The following HMGCLL1 variants were observed in gnomAD, a reference collection of about 807,000 sequenced individuals.
HMGCLL1 encodes 3-hydroxymethyl-3-methylglutaryl-CoA lyase, cytoplasmic.
In HMGCLL1, 36 loss-of-function variants were observed where a neutral mutation model predicts 39.1. The ratio of observed to expected loss-of-function variants is 0.92; its 90% CI spans 0.71 to 1.22. The LOEUF is 1.22. Among genes scored for constraint, HMGCLL1 ranks in the 50% most tolerant of loss-of-function variants. The pLI, the probability that HMGCLL1 is intolerant of heterozygous loss-of-function variation, is 0.00. For missense variants in HMGCLL1, 451 were observed against 416.5 expected (o/e 1.08, Z -0.72); for synonymous variants, 149 against 144.0 (o/e 1.03, Z -0.25).
the HMGCLL1 span, among the ~76,000 whole-genome samples, chr6:55,586,128 G>C: frequency 6.6e-6 from 1 of 152,066 alleles, no homozygotes; most frequent in African/African-American, 2.4e-5. Flanking sequence ...TAATTTAATA[G>C]GGAAATATAA....
chr6:55,631,587 T>C, the HMGCLL1 span, among the ~76,000 whole-genome samples: 1 of 152,078 alleles, frequency 6.6e-6, no homozygotes, highest in African/African-American at 2.4e-5. Flanking sequence ...CATTTTTCAT[T>C]AAGCCTCGTG....
the HMGCLL1 span, among the ~76,000 whole-genome samples, chr6:55,650,076 TAC>T: frequency 8.4e-3 from 818 of 96,994 alleles, 28 homozygotes; most frequent in Admixed American, 0.023. Context: ...TATATATATA[TAC>T]ACACACATAT....
chr6:55,582,803 CATTTT>C (rs1561976382), upstream of HMGCLL1, among the ~76,000 whole-genome samples: 3 of 151,858 alleles, frequency 2.0e-5, no homozygotes, highest in African/African-American at 7.2e-5. Context: ...TTGTTTTTCC[CATTTT>C]ATTTTATTTA....
intron 7 of HMGCLL1, among the ~76,000 whole-genome samples, chr6:55,479,331 C>T (rs1251468496): frequency 6.6e-6 from 1 of 151,540 alleles, no homozygotes; most frequent in Non-Finnish European, 1.5e-5. Flanking sequence ...ATATAAACTA[C>T]ACATTTTTCC....
intron 7 of HMGCLL1, among the ~76,000 whole-genome samples, chr6:55,476,164 G>T (rs976845628): frequency 1.3e-5 from 2 of 151,498 alleles, no homozygotes; most frequent in African/African-American, 4.8e-5. Flanking sequence ...TCAATTTGGT[G>T]AAAACTGGTA....
chr6:55,525,931 G>A (rs1768296278), intron 3 of HMGCLL1, among the ~76,000 whole-genome samples: 1 of 151,880 alleles, frequency 6.6e-6, no homozygotes, highest in South Asian at 2.1e-4. Flanking sequence ...TTATGGTCCA[G>A]AGTACTGTGG....
At chr6:55,641,383 G>A in the HMGCLL1 span, among the ~76,000 whole-genome samples, 1 of 151,962 alleles carries the variant, frequency 6.6e-6, no homozygotes, top group Non-Finnish European at 1.5e-5. Flanking sequence ...CATTTACTAA[G>A]TGAAAAAGCA....
At chr6:55,540,353 G>A (rs1007473683) in intron 3 of HMGCLL1, among the ~76,000 whole-genome samples, 4 of 152,128 alleles carry the variant, frequency 2.6e-5, no homozygotes, top group Non-Finnish European at 4.4e-5. Flanking sequence ...AACCTGTAAT[G>A]TGATAATATT....
the HMGCLL1 span, among the ~76,000 whole-genome samples, chr6:55,615,434 G>A: frequency 6.6e-6 from 1 of 152,160 alleles, no homozygotes; most frequent in Admixed American, 6.6e-5. Flanking sequence ...GGCACCTTGT[G>A]CCTCTATAAA....
intron 3 of HMGCLL1, among the ~76,000 whole-genome samples, chr6:55,531,658 A>G (rs1768684347): frequency 6.6e-6 from 1 of 152,158 alleles, no homozygotes; most frequent in African/African-American, 2.4e-5. Context: ...GCCACACAGC[A>G]GAAGGTGAGC....
intron 7 of HMGCLL1, among the ~76,000 whole-genome samples, chr6:55,446,767 A>G (rs1014070461): frequency 6.6e-6 from 1 of 152,024 alleles, no homozygotes; most frequent in Non-Finnish European, 1.5e-5. Flanking sequence ...GGAGTAAAAA[A>G]TCATCTTGCA....
rs1386630026 is a variant in HMGCLL1 at position 55,435,711 on chromosome 6, A to G, written c.974T>C (p.Val325Ala). The part of the protein sequence containing the change: ...MEAGDFICKA[V>A]NKTTNSKVAQ... ...TACTTTAGAGTTTGTGGTTTTATTC[A>G]CAGCTTTGCAAATAAAGTCACCAGC... Residue 325 changes from valine to alanine, a missense_variant, in exon 9 of 9, where the codon GTG (valine) becomes GCG (alanine). Transcript: ENST00000274901. 6.2e-7 allele frequency: 1 copy of G among 1,606,358 alleles called. No individual in the cohort carries two copies. The highest frequency in any genetic ancestry group is 1.1e-5 in the South Asian group (1 of 90,506).
chr6:55,502,989 G>A (rs935513990), intron 5 of HMGCLL1, among the ~76,000 whole-genome samples: 4 of 658 alleles, frequency 6.1e-3, no homozygotes, highest in Non-Finnish European at 0.019. Context: ...AGTTTTTTTC[G>A]TTGTCTCCTG....
At chr6:55,637,357 G>A in the HMGCLL1 span, among the ~76,000 whole-genome samples, 53,053 of 151,880 alleles carry the variant, frequency 0.35, 9,630 homozygotes, top group African/African-American at 0.44. Context: ...AGGTTACTTC[G>A]GGTTACTTTT....
chr6:55,616,086 A>G, the HMGCLL1 span, among the ~76,000 whole-genome samples: 1 of 152,110 alleles, frequency 6.6e-6, no homozygotes, highest in South Asian at 2.1e-4. Context: ...TCTGCAGTAG[A>G]TTATAAAAAT....
At chr6:55,595,759 G>A in the HMGCLL1 span, among the ~76,000 whole-genome samples, 1 of 152,092 alleles carries the variant, frequency 6.6e-6, no homozygotes, top group Non-Finnish European at 1.5e-5. Flanking sequence ...CAAACTGGGG[G>A]AAATACTCTG....
chr6:55,470,918 T>C (rs1765017469), intron 7 of HMGCLL1, among the ~76,000 whole-genome samples: 1 of 151,618 alleles, frequency 6.6e-6, no homozygotes, highest in African/African-American at 2.4e-5. Context: ...ATCAGGACAA[T>C]TGCCCCCATG....
chr6:55,463,853 G>A (rs540645253), intron 7 of HMGCLL1, among the ~76,000 whole-genome samples: 5 of 152,144 alleles, frequency 3.3e-5, no homozygotes, highest in African/African-American at 1.2e-4. Flanking sequence ...AACCTCTTTT[G>A]AATGTTTTAA....
intron 1 of HMGCLL1, among the ~76,000 whole-genome samples, chr6:55,561,901 A>G (rs1412891455): frequency 6.6e-6 from 1 of 152,148 alleles, no homozygotes; most frequent in Non-Finnish European, 1.5e-5. Context: ...TCTTCTCAGC[A>G]TACGATAAAC....
Sources: gnomAD v4.1 joint callset for allele counts (sites outside exome capture counted in the v4.1 genomes callset) on GRCh38, gnomAD v4.1.1 for gene constraint, MANE v1.5 for transcripts, NCBI Gene and HGNC (gene_info 2026-07-23, HGNC 2026-07-21) for gene names.